The following WARS2 variants were observed in gnomAD, a reference collection of about 807,000 sequenced individuals.
WARS2 encodes tryptophan--tRNA ligase, mitochondrial.
In WARS2, 28 loss-of-function variants were observed where a neutral mutation model predicts 36.5. The ratio of observed to expected loss-of-function variants is 0.77; its 90% CI spans 0.57 to 1.05. The LOEUF (loss-of-function observed/expected upper bound fraction) is 1.05. WARS2 is among the 50% of genes least tolerant of loss of function. WARS2 has a pLI of 0.00. For missense variants in WARS2, 435 were observed against 456.8 expected (o/e 0.95, Z 0.44); for synonymous variants, 174 against 178.4 (o/e 0.98, Z 0.20).
At chr1:119,118,856 A>C (rs1655154549) in intron 1 of WARS2, among the ~76,000 whole-genome samples, 1 of 152,194 alleles carries the variant, frequency 6.6e-6, no homozygotes, top group South Asian at 2.1e-4. Flanking sequence ...AGGAGAGATA[A>C]AGCCATTTTC....
At chr1:119,052,894 T>C (rs540264612) in intron 2 of WARS2, among the ~76,000 whole-genome samples, 2 of 152,330 alleles carry the variant, frequency 1.3e-5, no homozygotes, top group East Asian at 3.9e-4. Flanking sequence ...TGTTCTCATG[T>C]CAGAAGGAAA....
intron 1 of WARS2, among the ~76,000 whole-genome samples, chr1:119,089,947 G>A (rs1308802731): frequency 1.3e-5 from 2 of 152,068 alleles, no homozygotes; most frequent in Admixed American, 6.6e-5. Context: ...GACACATGGT[G>A]GGGAACACCA....
At chr1:119,047,826 A>G (rs1290060054) in intron 2 of WARS2, among the ~76,000 whole-genome samples, 1 of 152,262 alleles carries the variant, frequency 6.6e-6, no homozygotes, top group Non-Finnish European at 1.5e-5. Flanking sequence ...AAAGGCATGG[A>G]CAATAAAGTG....
chr1:119,044,516 T>C (rs1332936806), intron 3 of WARS2, among the ~76,000 whole-genome samples: 1 of 152,236 alleles, frequency 6.6e-6, no homozygotes, highest in Non-Finnish European at 1.5e-5. Context: ...TACCATCTTA[T>C]GTATTAAGTG....
intron 2 of WARS2, among the ~76,000 whole-genome samples, chr1:119,055,346 C>G (rs1649685225): frequency 6.6e-6 from 1 of 152,050 alleles, no homozygotes; most frequent in East Asian, 1.9e-4. Context: ...GGCATGGTGG[C>G]TCATGCCTGT....
intron 2 of WARS2, among the ~76,000 whole-genome samples, chr1:119,054,057 AAAT>A (rs1157405434): frequency 2.6e-5 from 4 of 151,172 alleles, no homozygotes; most frequent in East Asian, 1.9e-4. Flanking sequence ...ACCCCCTATC[AAAT>A]AATAATAATA....
intron 1 of WARS2, among the ~76,000 whole-genome samples, chr1:119,110,514 T>TCTATAGGAGTTTATTCCC (rs1654552282): frequency 6.6e-6 from 1 of 152,084 alleles, no homozygotes; most frequent in African/African-American, 2.4e-5. Flanking sequence ...TCTTTATTCC[T>TCTATAGGAGTTTATTCCC]CTATAGGTGT....
At chr1:119,129,593 C>A (rs1190096301) in intron 1 of WARS2, among the ~76,000 whole-genome samples, 1 of 151,936 alleles carries the variant, frequency 6.6e-6, no homozygotes, top group African/African-American at 2.4e-5. Context: ...GCCTGTAGCC[C>A]CAGCTACGCA....
chr1:119,041,823 T>G (rs1648391083), intron 4 of WARS2, among the ~76,000 whole-genome samples: 1 of 152,212 alleles, frequency 6.6e-6, no homozygotes, highest in Non-Finnish European at 1.5e-5. Context: ...ACAGACTCTG[T>G]ATCCAAACTT....
chr1:119,088,532 G>A (rs868019852), intron 1 of WARS2, among the ~76,000 whole-genome samples: 2 of 152,138 alleles, frequency 1.3e-5, no homozygotes, highest in Non-Finnish European at 1.5e-5. Flanking sequence ...TCAAGGTAAT[G>A]AAATCTCTAA....
At chr1:119,042,436 C>T in intron 3 of WARS2, 87 bp from the exon 4 acceptor site, 1 of 1,307,452 alleles carries the variant, frequency 7.6e-7, no homozygotes, top group Non-Finnish European at 1.1e-6. Flanking sequence ...AATTTTAAAA[C>T]AAGCAAATTG....
At chr1:119,112,214 G>A (rs749626615) in intron 1 of WARS2, among the ~76,000 whole-genome samples, 2 of 152,134 alleles carry the variant, frequency 1.3e-5, no homozygotes, top group African/African-American at 4.8e-5. Context: ...GAGCCACCAC[G>A]TCTAGCCTGT....
intron 1 of WARS2, among the ~76,000 whole-genome samples, chr1:119,098,360 T>C (rs1653600316): frequency 6.6e-6 from 1 of 152,358 alleles, no homozygotes; most frequent in Middle Eastern, 3.4e-3. Flanking sequence ...TCCTCAACTC[T>C]CCTTAGAGTG....
At chr1:119,081,318 C>T (rs1484304697) in intron 1 of WARS2, among the ~76,000 whole-genome samples, 1 of 152,180 alleles carries the variant, frequency 6.6e-6, no homozygotes, top group Non-Finnish European at 1.5e-5. Flanking sequence ...TCTTTAATTT[C>T]AAGTGAATAA....
intron 2 of WARS2, among the ~76,000 whole-genome samples, chr1:119,066,338 T>C (rs978583894): frequency 1.1e-4 from 16 of 149,630 alleles, no homozygotes; most frequent in South Asian, 2.1e-4. Context: ...ATTAGCCGGG[T>C]GTGGTGGTGG....
At chr1:119,097,044 TG>T (rs1653493806) in intron 1 of WARS2, among the ~76,000 whole-genome samples, 1 of 152,182 alleles carries the variant, frequency 6.6e-6, no homozygotes, top group African/African-American at 2.4e-5. Flanking sequence ...TAACTGTAAA[TG>T]CTCATGTCTG....
At chr1:119,111,216 A>G (rs912719279) in intron 1 of WARS2, among the ~76,000 whole-genome samples, 4 of 152,216 alleles carry the variant, frequency 2.6e-5, no homozygotes, top group African/African-American at 7.2e-5. Context: ...AAAGGTGGAC[A>G]TAATCTACTA....
intron 1 of WARS2, among the ~76,000 whole-genome samples, chr1:119,096,945 T>C (rs926301829): frequency 2.0e-5 from 3 of 152,196 alleles, no homozygotes; most frequent in East Asian, 3.8e-4. Context: ...CGTGATACCA[T>C]TGCTTGCCTC....
chr1:119,065,443 C>G (rs901137892), intron 2 of WARS2, among the ~76,000 whole-genome samples: 1 of 151,584 alleles, frequency 6.6e-6, no homozygotes, highest in Non-Finnish European at 1.5e-5. Flanking sequence ...ACTAGCCTGG[C>G]CAACATGACG....
Sources: allele counts gnomAD v4.1 joint callset (sites outside exome capture counted in the v4.1 genomes callset), GRCh38; gene constraint gnomAD v4.1.1; transcripts MANE v1.5; gene names NCBI Gene and HGNC (gene_info 2026-07-23, HGNC 2026-07-21).